Variants in PTPRT observed in about 807,000 individuals in gnomAD.
The protein encoded by PTPRT is protein tyrosine phosphatase receptor type T.
Under a neutral mutation model 176.8 loss-of-function variants are expected in PTPRT, and 56 were observed. That is an observed-to-expected ratio of 0.32 (90% confidence interval 0.26 to 0.40). PTPRT has a LOEUF of 0.40. Ranked by LOEUF, PTPRT falls within the 10% of genes least tolerant of loss-of-function variation. The pLI, the probability that PTPRT is intolerant of heterozygous loss-of-function variation, is 1.00. For synonymous variants in PTPRT, 783 were observed against 739.0 expected (o/e 1.06, Z -0.96); for missense variants, 1,540 against 1,908.2 (o/e 0.81, Z 3.60).
chr20:42,548,409 A>G (rs753717964), intron 7 of PTPRT, among the ~76,000 whole-genome samples: 1 of 152,174 alleles, frequency 6.6e-6, no homozygotes, highest in Non-Finnish European at 1.5e-5. Context: ...CACATCAATA[A>G]AAAAGTGATG....
At chr20:42,843,679 GGCCAT>G in intron 2 of PTPRT, among the ~76,000 whole-genome samples, 1 of 152,320 alleles carries the variant, frequency 6.6e-6, no homozygotes, top group Admixed American at 6.5e-5. Flanking sequence ...AAAGAACAGG[GGCCAT>G]GCCCATGGTT....
intron 2 of PTPRT, among the ~76,000 whole-genome samples, chr20:42,864,751 C>A (rs1038996909): frequency 6.6e-6 from 1 of 152,154 alleles, no homozygotes; most frequent in Non-Finnish European, 1.5e-5. Flanking sequence ...CCAAGGTTAT[C>A]AAAGTTTTAT....
At position 43,184,263 on chromosome 20, in the gene PTPRT, C is replaced by T. The variant is rs1019805616; in HGVS notation, c.88+5383G>A. Among the ~76,000 whole-genome samples the T allele has an allele frequency of 1.3e-5, 2 of 152,306 alleles. 1 individual carries two copies. On this transcript the variant is annotated intron_variant, in intron 1 of 30. Transcript: ENST00000373187. ...GTGAGAAAAAATTAAGTCTGCCACACTGGGGGACTGCTTCAATTTCCAGGT... is the reference window on the plus strand; with the variant it reads ...GTGAGAAAAAATTAAGTCTGCCACATTGGGGGACTGCTTCAATTTCCAGGT...
At chr20:42,083,118 C>CAAAAAAAA (rs3084622) in intron 29 of PTPRT, among the ~76,000 whole-genome samples, 28 of 59,960 alleles carry the variant, frequency 4.7e-4, no homozygotes, top group East Asian at 1.4e-3. Context: ...GACACTAGTG[C>CAAAAAAAA]AAAAAAAAAA....
At chr20:42,108,443 GA>G (rs1383458431) in intron 23 of PTPRT, among the ~76,000 whole-genome samples, 1 of 151,954 alleles carries the variant, frequency 6.6e-6, no homozygotes, top group Non-Finnish European at 1.5e-5. Flanking sequence ...AAATGATGTT[GA>G]TAATAATTAA....
At chr20:43,172,833 A>C (rs1306980587) in intron 1 of PTPRT, among the ~76,000 whole-genome samples, 1 of 151,866 alleles carries the variant, frequency 6.6e-6, no homozygotes, top group African/African-American at 2.4e-5. Flanking sequence ...GCACAGGCTT[A>C]ACTTGAGCCC....
chr20:42,645,368 T>C (rs1196009354), intron 7 of PTPRT, among the ~76,000 whole-genome samples: 2 of 152,116 alleles, frequency 1.3e-5, no homozygotes, highest in African/African-American at 2.4e-5. Context: ...ACCCTAACTT[T>C]CTAAGGTATA....
At chr20:42,861,052 T>G (rs1327073451) in intron 2 of PTPRT, among the ~76,000 whole-genome samples, 1 of 152,222 alleles carries the variant, frequency 6.6e-6, no homozygotes, top group African/African-American at 2.4e-5. Context: ...CTGTAGTCTG[T>G]ATCTCCCAGG....
intron 1 of PTPRT, among the ~76,000 whole-genome samples, chr20:42,955,583 A>G (rs1036791323): frequency 2.0e-5 from 3 of 152,100 alleles, no homozygotes; most frequent in African/African-American, 7.2e-5. Context: ...ACATCCTTTC[A>G]CTTGTACTTA....
intron 16 of PTPRT, among the ~76,000 whole-genome samples, chr20:42,186,932 G>A (rs887280642): frequency 6.6e-6 from 1 of 152,072 alleles, no homozygotes; most frequent in Non-Finnish European, 1.5e-5. Flanking sequence ...AGAGAGGAAC[G>A]TGTCAAGATT....
intron 9 of PTPRT, among the ~76,000 whole-genome samples, chr20:42,421,287 C>CAT (rs2059116813): frequency 2.0e-5 from 3 of 151,260 alleles, no homozygotes; most frequent in Non-Finnish European, 2.9e-5. Context: ...CGCATGCACA[C>CAT]ACACACACAC....
At chr20:42,195,705 G>T (rs1600661308) in intron 16 of PTPRT, among the ~76,000 whole-genome samples, 2 of 152,198 alleles carry the variant, frequency 1.3e-5, no homozygotes, top group Non-Finnish European at 2.9e-5. Flanking sequence ...AAGCAATATT[G>T]TTATGATGAA....
intron 9 of PTPRT, among the ~76,000 whole-genome samples, chr20:42,447,236 T>G (rs2070749841): frequency 6.6e-6 from 1 of 152,144 alleles, no homozygotes; most frequent in African/African-American, 2.4e-5. Context: ...TGTTTCAGTC[T>G]GGGATGCTTG....
intron 23 of PTPRT, among the ~76,000 whole-genome samples, chr20:42,110,049 CTT>C (rs747975893): frequency 1.5e-4 from 21 of 139,658 alleles, no homozygotes; most frequent in Non-Finnish European, 1.2e-4. Flanking sequence ...AGGACTTTTT[CTT>C]TTTTTTTTTT....
chr20:43,085,601 C>G (rs115488192), intron 1 of PTPRT, among the ~76,000 whole-genome samples: 2,076 of 152,226 alleles, frequency 0.014, 58 homozygotes, highest in African/African-American at 0.047. Context: ...GAGGAGCAGT[C>G]ACATCTTACA....
intron 12 of PTPRT, among the ~76,000 whole-genome samples, chr20:42,298,195 CAT>C (rs2057415802): frequency 6.6e-6 from 1 of 151,984 alleles, no homozygotes; most frequent in South Asian, 2.1e-4. Context: ...GAGCAAAAGA[CAT>C]AAACAGGTAA....
At chr20:42,945,464 T>G (rs1013486021) in intron 1 of PTPRT, among the ~76,000 whole-genome samples, 1 of 152,194 alleles carries the variant, frequency 6.6e-6, no homozygotes, top group Non-Finnish European at 1.5e-5. Context: ...TAATCTGCCA[T>G]GAAGCAGATG....
chr20:42,946,220 C>A (rs1226513887), intron 1 of PTPRT, among the ~76,000 whole-genome samples: 2 of 152,144 alleles, frequency 1.3e-5, no homozygotes, highest in East Asian at 3.8e-4. Context: ...CCTTCTGCAA[C>A]AGGTGGGCAA....
intron 1 of PTPRT, among the ~76,000 whole-genome samples, chr20:43,062,281 G>A (rs557024990): frequency 6.6e-6 from 1 of 152,318 alleles, no homozygotes; most frequent in Admixed American, 6.5e-5. Context: ...AAAGCCTTCT[G>A]AGCCAACAGC....
Sources: gnomAD v4.1 joint callset for allele counts (sites outside exome capture counted in the v4.1 genomes callset) on GRCh38, gnomAD v4.1.1 for gene constraint, MANE v1.5 for transcripts, NCBI Gene and HGNC (gene_info 2026-07-23, HGNC 2026-07-21) for gene names.